HMGCLL1: variants seen among roughly 807,000 people sequenced by gnomAD.
HMGCLL1 encodes the protein 3-hydroxymethyl-3-methylglutaryl-CoA lyase, cytoplasmic.
Under a neutral mutation model 39.1 loss-of-function variants are expected in HMGCLL1, and 36 were observed. That is an observed-to-expected ratio of 0.92 (90% CI 0.71 to 1.22). The LOEUF (loss-of-function observed/expected upper bound fraction) is 1.22, where lower values mean the gene tolerates loss of function less well. HMGCLL1 is among the 50% of genes most tolerant of loss of function. HMGCLL1 has a pLI of 0.00. For synonymous variants in HMGCLL1, 149 were observed against 144.0 expected, an observed-to-expected ratio of 1.03 and a Z score of -0.25; for missense variants, 451 against 416.5, an observed-to-expected ratio of 1.08 and a Z score of -0.72.
chr6:55,650,273 G>A, the HMGCLL1 span, among the ~76,000 whole-genome samples: 2 of 150,854 alleles, frequency 1.3e-5, no homozygotes, highest in African/African-American at 4.9e-5. Flanking sequence ...GAAGGGTTAG[G>A]TACTTATCAC....
At chr6:55,478,980 T>C (rs1459726324) in intron 7 of HMGCLL1, among the ~76,000 whole-genome samples, 2 of 151,608 alleles carry the variant, frequency 1.3e-5, no homozygotes, top group Non-Finnish European at 1.5e-5. Context: ...CTGAGCATCC[T>C]TGTGCCTCTG....
At chr6:55,612,106 G>C in the HMGCLL1 span, among the ~76,000 whole-genome samples, 1 of 152,084 alleles carries the variant, frequency 6.6e-6, no homozygotes, top group Non-Finnish European at 1.5e-5. Flanking sequence ...CAAAGTCTCA[G>C]GATAAGAAAT....
At chr6:55,527,695 T>C (rs1183910293) in intron 3 of HMGCLL1, among the ~76,000 whole-genome samples, 1 of 152,060 alleles carries the variant, frequency 6.6e-6, no homozygotes, top group Non-Finnish European at 1.5e-5. Context: ...GTGACTTTCT[T>C]GTCTATATCA....
At chr6:55,559,079 C>T (rs1770811670) in intron 1 of HMGCLL1, among the ~76,000 whole-genome samples, 2 of 152,106 alleles carry the variant, frequency 1.3e-5, no homozygotes. Flanking sequence ...ATGAAACCAT[C>T]ACCCTAAGGG....
intron 3 of HMGCLL1, among the ~76,000 whole-genome samples, chr6:55,537,462 C>G (rs1322503194): frequency 6.6e-6 from 1 of 152,152 alleles, no homozygotes; most frequent in African/African-American, 2.4e-5. Context: ...AATATTGTAA[C>G]TATACACATA....
intron 1 of HMGCLL1, chr6:55,577,240 A>T: frequency 1.6e-6 from 1 of 609,962 alleles, no homozygotes; most frequent in Non-Finnish European, 2.0e-6. Context: ...GATAAGATAG[A>T]AAAAATCACA....
At chr6:55,664,602 C>A in the HMGCLL1 span, among the ~76,000 whole-genome samples, 2 of 151,640 alleles carry the variant, frequency 1.3e-5, no homozygotes, top group African/African-American at 4.8e-5. Context: ...TACTTTGTAG[C>A]CAACTTTCTC....
At chr6:55,655,614 C>G in the HMGCLL1 span, among the ~76,000 whole-genome samples, 2 of 151,640 alleles carry the variant, frequency 1.3e-5, no homozygotes, top group East Asian at 3.9e-4. Context: ...ACAAATACCA[C>G]CCTAACATAT....
At chr6:55,632,693 T>TTA in the HMGCLL1 span, among the ~76,000 whole-genome samples, 4 of 152,072 alleles carry the variant, frequency 2.6e-5, no homozygotes, top group Non-Finnish European at 5.9e-5. Flanking sequence ...TATACCTATA[T>TTA]TATAGCACCT....
At chr6:55,530,920 C>T (rs1259080470) in intron 3 of HMGCLL1, among the ~76,000 whole-genome samples, 2 of 152,060 alleles carry the variant, frequency 1.3e-5, no homozygotes, top group Admixed American at 1.3e-4. Flanking sequence ...GTCTTTAAAA[C>T]GCATTATCCT....
chr6:55,497,531 G>T (rs762969538), intron 6 of HMGCLL1, among the ~76,000 whole-genome samples: 1 of 152,070 alleles, frequency 6.6e-6, no homozygotes, highest in Non-Finnish European at 1.5e-5. Context: ...CATGGCTCAT[G>T]TTATTACAGA....
chr6:55,630,963 T>C, the HMGCLL1 span, among the ~76,000 whole-genome samples: 3 of 152,118 alleles, frequency 2.0e-5, no homozygotes, highest in Admixed American at 6.6e-5. Context: ...TACTTTCTTT[T>C]CTCTTGCTGT....
the HMGCLL1 span, among the ~76,000 whole-genome samples, chr6:55,584,592 A>G: frequency 6.6e-6 from 1 of 152,088 alleles, no homozygotes; most frequent in African/African-American, 2.4e-5. Context: ...TCAACGCCAA[A>G]CTAGGCAGAC....
intron 3 of HMGCLL1, among the ~76,000 whole-genome samples, chr6:55,541,253 A>G (rs1392813001): frequency 6.6e-6 from 1 of 152,168 alleles, no homozygotes; most frequent in Non-Finnish European, 1.5e-5. Flanking sequence ...CTTCAATGAT[A>G]TATTTGATGA....
the HMGCLL1 span, among the ~76,000 whole-genome samples, chr6:55,588,572 G>A: frequency 1.3e-5 from 2 of 151,922 alleles, no homozygotes; most frequent in Non-Finnish European, 2.9e-5. Flanking sequence ...AACTGAAGGA[G>A]TTAGAGACAC....
At chr6:55,674,579 A>G in the HMGCLL1 span, among the ~76,000 whole-genome samples, 2 of 152,094 alleles carry the variant, frequency 1.3e-5, no homozygotes, top group African/African-American at 2.4e-5. Flanking sequence ...CTACAAGGTT[A>G]TGCAAATGAG....
At chr6:55,563,306 G>A (rs1298137460) in intron 1 of HMGCLL1, among the ~76,000 whole-genome samples, 1 of 151,996 alleles carries the variant, frequency 6.6e-6, no homozygotes, top group Non-Finnish European at 1.5e-5. Context: ...AAGCCAAAAT[G>A]TAAAAAATAA....
At chr6:55,581,408 C>T (rs1222663660), upstream of HMGCLL1, among the ~76,000 whole-genome samples, 1 of 151,590 alleles carries the variant, frequency 6.6e-6, no homozygotes, top group Admixed American at 6.6e-5. Flanking sequence ...TCTTAAAGAC[C>T]AAATATCTTA....
chr6:55,664,141 C>T, the HMGCLL1 span, among the ~76,000 whole-genome samples: 16 of 151,776 alleles, frequency 1.1e-4, no homozygotes, highest in Admixed American at 8.6e-4. Context: ...CATTCTGTGC[C>T]TTTTAGATGG....
Sources: gnomAD v4.1 joint callset for allele counts (sites outside exome capture counted in the v4.1 genomes callset) on GRCh38, gnomAD v4.1.1 for gene constraint, MANE v1.5 for transcripts, NCBI Gene and HGNC (gene_info 2026-07-23, HGNC 2026-07-21) for gene names.